The following YY1 variants were observed in gnomAD, a reference collection of about 807,000 sequenced individuals.
YY1 encodes the protein YY1 transcription factor.
Under a neutral mutation model 35.6 loss-of-function variants are expected in YY1, and 2 were observed. The ratio of observed to expected loss-of-function variants is 0.06; its 90% CI spans 0.02 to 0.18. The LOEUF (loss-of-function observed/expected upper bound fraction) is 0.18. Among genes scored for constraint, YY1 ranks in the 10% least tolerant of loss-of-function variants. The pLI is 1.00. For missense variants in YY1, 322 were observed against 573.4 expected (o/e 0.56, Z 4.48); for synonymous variants, 268 against 238.9 (o/e 1.12, Z -1.12).
intron 1 of YY1, among the ~76,000 whole-genome samples, chr14:100,248,111 A>ATTTTTTT (rs966925892): frequency 6.6e-5 from 5 of 75,896 alleles, no homozygotes; most frequent in East Asian, 3.6e-4. Context: ...CGCCCGGCTA[A>ATTTTTTT]TTTTTTTTTC....
intron 1 of YY1, among the ~76,000 whole-genome samples, chr14:100,257,741 C>A (rs1206648000): frequency 6.6e-6 from 1 of 152,148 alleles, no homozygotes; most frequent in Non-Finnish European, 1.5e-5. Context: ...ATAAATGTTG[C>A]CTTAAGCCAC....
At chr14:100,244,320 C>CTTTTTTT (rs869125410) in intron 1 of YY1, among the ~76,000 whole-genome samples, 16 of 89,696 alleles carry the variant, frequency 1.8e-4, no homozygotes, top group East Asian at 3.5e-4. Context: ...TCCTTTTTTA[C>CTTTTTTT]TTTTTTTTTT....
intron 2 of YY1, among the ~76,000 whole-genome samples, chr14:100,272,829 A>G (rs1380428644): frequency 6.6e-6 from 1 of 152,038 alleles, no homozygotes; most frequent in African/African-American, 2.4e-5. Context: ...TAAGTCCCCA[A>G]AGTCCATTAT....
chr14:100,276,383 GTTGGGGAGGTGGT>G lies in YY1; in HGVS notation c.904-104_904-92del. The G allele has an allele frequency of 6.8e-7, 1 of 1,465,878 alleles. No individual in the cohort carries two copies. The highest frequency in any genetic ancestry group is 9.5e-7 in the Non-Finnish European group (1 of 1,053,572). The allele number at this position is 1,465,878 out of a possible 1,614,324, so 90.8% of individuals were successfully genotyped here. On this transcript the variant is annotated intron_variant, in intron 3 of 4. Transcript: ENST00000262238. This position sits in a 1 kb window ranked among gnomAD's most constrained non-coding sequence, Gnocchi z 4.1. ...ATACTAAGTAAAATTAAAATGGGGG[GTTGGGGAGGTGGT>G]TTTGTTTTAATATGTCAGTAAAGGC...
chr14:100,270,123 T>C (rs552058021), intron 2 of YY1, among the ~76,000 whole-genome samples: 1 of 150,034 alleles, frequency 6.7e-6, no homozygotes, highest in South Asian at 2.1e-4. Context: ...ATTAGCCTGG[T>C]GTGGTGGCAG....
chr14:100,254,645 T>G (rs150535382), intron 1 of YY1, among the ~76,000 whole-genome samples: 2 of 152,204 alleles, frequency 1.3e-5, no homozygotes, highest in African/African-American at 4.8e-5. Context: ...TTAGTCAAGA[T>G]GGATTTTTGC....
At chr14:100,245,647 C>G (rs1209404468) in intron 1 of YY1, among the ~76,000 whole-genome samples, 1 of 151,760 alleles carries the variant, frequency 6.6e-6, no homozygotes, top group African/African-American at 2.4e-5. Flanking sequence ...CGCTTTGTTG[C>G]CCAGGCTGGA....
At chr14:100,260,469 A>ATTTTTTTTTTTTTTTTTTTT (rs34225673) in intron 1 of YY1, among the ~76,000 whole-genome samples, 1 of 139,106 alleles carries the variant, frequency 7.2e-6, no homozygotes, top group Non-Finnish European at 1.5e-5. Flanking sequence ...ACATATATGT[A>ATTTTTTTTTTTTTTTTTTTT]TTTTTTTTTT....
At chr14:100,257,636 A>G (rs990777041) in intron 1 of YY1, among the ~76,000 whole-genome samples, 1 of 151,478 alleles carries the variant, frequency 6.6e-6, no homozygotes, top group African/African-American at 2.5e-5. Flanking sequence ...GACAGTGTGA[A>G]GATGGCTATC....
chr14:100,239,369 GCGA>G lies in YY1; in HGVS notation c.126_128del (p.Glu47del). On this transcript the variant is annotated inframe_deletion, in exon 1 of 5. Coordinates refer to ENST00000262238, the MANE Select transcript of YY1 (RefSeq NM_003403.5). Reference sequence around the variant, plus strand: ...GAGACCATCGAGACCACAGTGGTGGGCGAGGAGGAGGAGGAGGACGACGACGAC... The same window carrying G: ...GAGACCATCGAGACCACAGTGGTGGGGGAGGAGGAGGAGGACGACGACGAC... 1 of 1,602,210 alleles carries G rather than the reference GCGA, an allele frequency of 6.2e-7. No homozygotes were observed.
At position 100,262,317 on chromosome 14, in the gene YY1, T is replaced by A. The variant is rs1803878; in HGVS notation, c.693T>A (p.Asp231Glu). 1 of 1,613,700 alleles carries A rather than the reference T, an allele frequency of 6.2e-7. No individual in the cohort carries two copies. Among genetic ancestry groups the A allele is most frequent in the Admixed American group, 1.7e-5 (1 of 59,994 alleles). ...GATGTGTTTCAGATGAAAAAAAAGA[T>A]ATTGACCATGAGACAGTGGTTGAAG... ...VTMWSSDEKKDIDHETVVEEQ... is the reference protein window; with the variant it reads ...VTMWSSDEKKEIDHETVVEEQ... Residue 231 changes from aspartate (D) to glutamate (E), a missense_variant, in exon 2 of 5, where the codon GAT (aspartate) becomes GAA (glutamate). By Grantham distance (45) the Asp-to-Glu change is conservative. Coordinates refer to ENST00000262238, the MANE Select transcript of YY1 (RefSeq NM_003403.5).
At chr14:100,274,373 T>A (rs953634984) in intron 2 of YY1, among the ~76,000 whole-genome samples, 4 of 152,176 alleles carry the variant, frequency 2.6e-5, no homozygotes, top group Admixed American at 6.5e-5. Flanking sequence ...TGTGTTTTTT[T>A]AAAGGGTTTG....
intron 1 of YY1, among the ~76,000 whole-genome samples, chr14:100,247,233 T>TCCTC (rs1595314658): frequency 6.6e-6 from 1 of 152,248 alleles, no homozygotes; most frequent in East Asian, 1.9e-4. Context: ...ACTTAGGTTA[T>TCCTC]ATTAGCAAAG....
At chr14:100,244,321 T>C (rs1406895382) in intron 1 of YY1, among the ~76,000 whole-genome samples, 932 of 4,426 alleles carry the variant, frequency 0.21, 15 homozygotes, top group African/African-American at 0.3. Context: ...CCTTTTTTAC[T>C]TTTTTTTTTT....
intron 1 of YY1, among the ~76,000 whole-genome samples, chr14:100,244,252 C>T (rs1444946182): frequency 6.7e-6 from 1 of 149,904 alleles, no homozygotes; most frequent in Non-Finnish European, 1.5e-5. Flanking sequence ...GTATAGGAAT[C>T]TAATAGTTTT....
chr14:100,272,716 A>C (rs1891260065), intron 2 of YY1, among the ~76,000 whole-genome samples: 1 of 151,750 alleles, frequency 6.6e-6, no homozygotes, highest in Non-Finnish European at 1.5e-5. Context: ...TACATGGATG[A>C]ATTCTATATT....
chr14:100,240,042 AGATGGCGGGCCGTGC>A, intron 1 of YY1, 119 bp downstream of exon 1: 2 of 842,806 alleles, frequency 2.4e-6, no homozygotes, highest in Non-Finnish European at 3.1e-6. Flanking sequence ...CGGCCCCAAA[AGATGGCGGGCCGTGC>A]GGCGGCGGGG....
Position 100,277,624 on chromosome 14 carries a change from G to T in YY1, c.*24G>T. 1 of 1,611,422 alleles carries T rather than the reference G, an allele frequency of 6.2e-7. No homozygotes were observed. The highest frequency in any genetic ancestry group is 1.1e-5 in the South Asian group (1 of 90,916). ...GAAAAGAAGAGAGAAGACCCTTCTC[G>T]ACCACGGGAAGCATCTTCCAGAAGT... On this transcript the variant is annotated 3_prime_UTR_variant, in exon 5 of 5. Coordinates refer to ENST00000262238, the MANE Select transcript of YY1 (RefSeq NM_003403.5). This position sits in a 1 kb window ranked among gnomAD's most constrained non-coding sequence, Gnocchi z 5.6.
intron 2 of YY1, among the ~76,000 whole-genome samples, 161 bp downstream of exon 2, chr14:100,262,627 C>T (rs1891099927): frequency 6.6e-6 from 1 of 151,994 alleles, no homozygotes; most frequent in Non-Finnish European, 1.5e-5. Context: ...TTTTTGTTTC[C>T]TTTTTTTGAG....
Sources: allele counts gnomAD v4.1 joint callset (sites outside exome capture counted in the v4.1 genomes callset), GRCh38; gene constraint gnomAD v4.1.1; non-coding constraint Gnocchi (gnomAD v3.1); transcripts MANE v1.5; gene names NCBI Gene and HGNC (gene_info 2026-07-23, HGNC 2026-07-21).